UBASH3B: variants seen among roughly 807,000 people sequenced by gnomAD.
The protein encoded by UBASH3B is ubiquitin associated and SH3 domain containing B.
Under a neutral mutation model 83.4 loss-of-function variants are expected in UBASH3B, and 37 were observed. The observed-to-expected ratio is 0.44, with a 90% confidence interval of 0.34 to 0.58. UBASH3B has a LOEUF of 0.58. Ranked by LOEUF, UBASH3B falls within the 20% of genes least tolerant of loss-of-function variation. The pLI is 0.01. For missense variants in UBASH3B, 657 were observed against 827.2 expected, an observed-to-expected ratio of 0.79 and a Z score of 2.52; for synonymous variants, 304 against 318.3, an observed-to-expected ratio of 0.96 and a Z score of 0.48.
At chr11:122,679,987 CAG>C (rs1863717542) in intron 1 of UBASH3B, among the ~76,000 whole-genome samples, 1 of 151,944 alleles carries the variant, frequency 6.6e-6, no homozygotes, top group Admixed American at 6.6e-5. Context: ...CCCACCACCA[CAG>C]CCGGCTAATT....
intron 1 of UBASH3B, among the ~76,000 whole-genome samples, chr11:122,741,323 C>T (rs1421615765): frequency 1.3e-5 from 2 of 152,076 alleles, no homozygotes; most frequent in African/African-American, 2.4e-5. Flanking sequence ...GATGTATCCC[C>T]GAAGTGTTTC....
Position 122,669,018 on chromosome 11 carries a change from A to G in UBASH3B, c.161+12808A>G, listed in dbSNP as rs1333970187. On this transcript the variant is annotated intron_variant, in intron 1 of 13. Coordinates refer to ENST00000284273, the MANE Select transcript of UBASH3B (RefSeq NM_032873.5). ...ACTTTATCCCTTGGGAACTAGGGAC[A>G]TGAGTCATAATGAGTTAGCAGGTGG... Among the ~76,000 whole-genome samples the G allele has an allele frequency of 5.9e-5, 9 of 152,222 alleles. No homozygotes were observed. In the East Asian group the frequency reaches 1.3e-3, roughly 23 times the overall value.
At chr11:122,680,463 C>T (rs1863723485) in intron 1 of UBASH3B, among the ~76,000 whole-genome samples, 1 of 152,106 alleles carries the variant, frequency 6.6e-6, no homozygotes, top group South Asian at 2.1e-4. Context: ...CAAGTGCTCT[C>T]CCTTTATTTT....
At chr11:122,714,823 A>G (rs746517972) in intron 1 of UBASH3B, among the ~76,000 whole-genome samples, 6 of 152,228 alleles carry the variant, frequency 3.9e-5, no homozygotes, top group Admixed American at 1.3e-4. Context: ...GGATGCACTC[A>G]TTATCTGCAT....
intron 13 of UBASH3B, among the ~76,000 whole-genome samples, chr11:122,809,177 C>G (rs3107637): frequency 0.54 from 82,308 of 151,812 alleles, 23,494 homozygotes; most frequent in Non-Finnish European, 0.65. Flanking sequence ...TGGATTCAAG[C>G]GATTCTCCTG....
chr11:122,759,142 C>T lies in UBASH3B; in HGVS notation c.162-17077C>T, dbSNP rs1198920548. ...TAAGATCCACTTATAAGCTCACCCACATTGTTGGCAGAAGTCATTTCCTTT... is the reference window on the plus strand; with the variant it reads ...TAAGATCCACTTATAAGCTCACCCATATTGTTGGCAGAAGTCATTTCCTTT... On this transcript the variant is annotated intron_variant, in intron 1 of 13. Transcript: ENST00000284273. This position sits in a 1 kb window ranked among gnomAD's most constrained non-coding sequence, Gnocchi z 4.1. Among the ~76,000 whole-genome samples, 1 of 152,222 alleles carries T rather than the reference C, an allele frequency of 6.6e-6. No homozygotes were observed. The highest frequency in any genetic ancestry group is 2.4e-5 in the African/African-American group (1 of 41,456).
intron 1 of UBASH3B, among the ~76,000 whole-genome samples, chr11:122,689,411 A>T (rs1173733935): frequency 6.6e-6 from 1 of 152,174 alleles, no homozygotes; most frequent in Admixed American, 6.5e-5. Context: ...ATATTCTTAC[A>T]CACGAATTTT....
intron 1 of UBASH3B, among the ~76,000 whole-genome samples, chr11:122,714,165 C>T (rs1308993364): frequency 6.6e-6 from 1 of 152,162 alleles, no homozygotes; most frequent in Non-Finnish European, 1.5e-5. Flanking sequence ...AACATCTGCC[C>T]CATCAGTTTC....
intron 1 of UBASH3B, among the ~76,000 whole-genome samples, chr11:122,704,923 G>T (rs1414941476): frequency 6.6e-6 from 1 of 152,116 alleles, no homozygotes; most frequent in South Asian, 2.1e-4. Context: ...TTATTTGGGG[G>T]GTTAGAAGAA....
At chr11:122,673,794 T>C (rs1280636160) in intron 1 of UBASH3B, among the ~76,000 whole-genome samples, 2 of 152,240 alleles carry the variant, frequency 1.3e-5, no homozygotes, top group African/African-American at 4.8e-5. Context: ...GAATTGCTCT[T>C]TCTGCAGAGG....
At chr11:122,670,125 A>C (rs2135898747) in intron 1 of UBASH3B, among the ~76,000 whole-genome samples, 1 of 152,194 alleles carries the variant, frequency 6.6e-6, no homozygotes, top group African/African-American at 2.4e-5. Context: ...TGGAGTTGGA[A>C]TGGTTATCAC....
intron 10 of UBASH3B, among the ~76,000 whole-genome samples, chr11:122,799,676 C>T (rs1861217729): frequency 6.6e-6 from 1 of 152,192 alleles, no homozygotes; most frequent in South Asian, 2.1e-4. Flanking sequence ...TTGTTTGCCT[C>T]CTGTTGACAG....
chr11:122,671,750 G>A (rs1267975597), intron 1 of UBASH3B, among the ~76,000 whole-genome samples: 2 of 152,032 alleles, frequency 1.3e-5, no homozygotes, highest in Admixed American at 6.6e-5. Context: ...CAGGAAAACC[G>A]CCTCGGTGAG....
chr11:122,655,992 C>G lies in UBASH3B; in HGVS notation c.-58C>G. The G allele has an allele frequency of 7.0e-7, 1 of 1,433,440 alleles. No individual in the cohort carries two copies. The highest frequency in any genetic ancestry group is 1.4e-5 in the South Asian group (1 of 70,624). The allele number at this position is 1,433,440 out of a possible 1,614,324, so 88.8% of individuals were successfully genotyped here. On this transcript the variant is annotated 5_prime_UTR_variant, in exon 1 of 14. Transcript: ENST00000284273. ...TCCCCTGGCCCAGCCCGACTCCCTCCTCCTTCCCGAACCATCCGGCTCGGG... is the reference window on the plus strand; with the variant it reads ...TCCCCTGGCCCAGCCCGACTCCCTCGTCCTTCCCGAACCATCCGGCTCGGG...
chr11:122,701,180 A>G lies in UBASH3B; in HGVS notation c.161+44970A>G, dbSNP rs182172671. Among the ~76,000 whole-genome samples the G allele has an allele frequency of 1.7e-3, 261 of 152,316 alleles. 1 individual carries two copies. The highest frequency in any genetic ancestry group is 6.0e-3 in the African/African-American group (249 of 41,574). On this transcript the variant is annotated intron_variant, in intron 1 of 13. Coordinates refer to ENST00000284273, the MANE Select transcript of UBASH3B (RefSeq NM_032873.5). ...CTTGGCTTCTTTGTCCAAGACGTTA[A>G]TAACTCTAGTCATTTCTTGTGAGGA...
At chr11:122,748,878 G>C (rs1488824397) in intron 1 of UBASH3B, among the ~76,000 whole-genome samples, 2 of 152,178 alleles carry the variant, frequency 1.3e-5, no homozygotes, top group Non-Finnish European at 2.9e-5. Context: ...GTACACGGAA[G>C]GAAAGAGAGC....
At chr11:122,786,073 G>A (rs1196617536) in intron 5 of UBASH3B, among the ~76,000 whole-genome samples, 1 of 151,858 alleles carries the variant, frequency 6.6e-6, no homozygotes, top group Non-Finnish European at 1.5e-5. Flanking sequence ...TTGTTGAGAC[G>A]GAGTCTTACT....
At chr11:122,796,463 C>G (rs1320791510) in intron 8 of UBASH3B, among the ~76,000 whole-genome samples, 187 bp downstream of exon 8, 2 of 152,194 alleles carry the variant, frequency 1.3e-5, no homozygotes, top group Non-Finnish European at 2.9e-5. Flanking sequence ...TGTCCCCATT[C>G]TATAAACTGG....
At chr11:122,697,055 G>T (rs1344266661) in intron 1 of UBASH3B, among the ~76,000 whole-genome samples, 2 of 152,158 alleles carry the variant, frequency 1.3e-5, no homozygotes, top group Non-Finnish European at 2.9e-5. Context: ...CTCTTTTGGG[G>T]ATACATCAGT....
Sources: allele counts gnomAD v4.1 joint callset (sites outside exome capture counted in the v4.1 genomes callset), GRCh38; gene constraint gnomAD v4.1.1; non-coding constraint Gnocchi (gnomAD v3.1); transcripts MANE v1.5; gene names NCBI Gene and HGNC (gene_info 2026-07-23, HGNC 2026-07-21).